The following ADK variants were observed in gnomAD, a reference collection of about 807,000 sequenced individuals.
ADK encodes the protein N6,N6-dimethyladenosine kinase.
ADK carries 24 observed loss-of-function variants against 44.7 expected under a neutral mutation model. The observed-to-expected ratio is 0.54, with a 90% CI of 0.39 to 0.76. The LOEUF (loss-of-function observed/expected upper bound fraction) is 0.76. Among genes scored for constraint, ADK ranks in the 30% least tolerant of loss-of-function variants. The probability of loss-of-function intolerance (pLI) is 0.00; values close to 1 mark genes in which losing one functional copy is unlikely to be tolerated. For synonymous variants in ADK, 128 were observed against 142.6 expected, an observed-to-expected ratio of 0.90 and a Z score of 0.73; for missense variants, 321 against 425.1, an observed-to-expected ratio of 0.76 and a Z score of 2.15.
chr10:74,547,703 G>A (rs192226792), intron 7 of ADK, among the ~76,000 whole-genome samples: 135 of 151,656 alleles, frequency 8.9e-4, no homozygotes, highest in African/African-American at 3.1e-3. Context: ...TGTTACCCAG[G>A]CTAAGAGTGC....
chr10:74,448,294 A>G (rs1845654584), intron 6 of ADK, among the ~76,000 whole-genome samples: 1 of 152,158 alleles, frequency 6.6e-6, no homozygotes, highest in Non-Finnish European at 1.5e-5. Flanking sequence ...CCTCCACTCC[A>G]TCTCTTAAAA....
chr10:74,228,132 G>T (rs4746186), intron 3 of ADK, among the ~76,000 whole-genome samples: 1 of 152,182 alleles, frequency 6.6e-6, no homozygotes, highest in Non-Finnish European at 1.5e-5. Context: ...TTGTGATTCA[G>T]ATTTCATATA....
intron 6 of ADK, among the ~76,000 whole-genome samples, chr10:74,399,877 A>G (rs914081145): frequency 2.6e-5 from 4 of 152,120 alleles, no homozygotes; most frequent in African/African-American, 7.2e-5. Context: ...ACAGTCTTCT[A>G]TGTTTCAATA....
chr10:74,589,180 A>T, intron 7 of ADK, 102 bp from the exon 8 acceptor site: 1 of 1,013,550 alleles, frequency 9.9e-7, no homozygotes, highest in Non-Finnish European at 1.5e-6. Flanking sequence ...GTATATTGAG[A>T]TAATTGTGTA....
chr10:74,177,166 T>A (rs1842373081), intron 1 of ADK, among the ~76,000 whole-genome samples: 1 of 152,028 alleles, frequency 6.6e-6, no homozygotes, highest in African/African-American at 2.4e-5. Context: ...TGTAGTGGAT[T>A]TCCCATGAAA....
chr10:74,489,085 T>C (rs888953648), intron 6 of ADK, among the ~76,000 whole-genome samples: 8 of 152,090 alleles, frequency 5.3e-5, no homozygotes, highest in African/African-American at 1.9e-4. Flanking sequence ...GGATCTTTGC[T>C]GAGGAAATAT....
chr10:74,592,028 A>C (rs565395982), intron 8 of ADK, among the ~76,000 whole-genome samples: 8 of 151,550 alleles, frequency 5.3e-5, no homozygotes, highest in Admixed American at 1.3e-4. Flanking sequence ...TGCAAATTTT[A>C]CTTTTGTAAA....
intron 6 of ADK, among the ~76,000 whole-genome samples, chr10:74,405,446 A>C (rs1843885205): frequency 6.6e-6 from 1 of 150,932 alleles, no homozygotes; most frequent in Non-Finnish European, 1.5e-5. Context: ...CTGGACTCTT[A>C]ATGAAACCTT....
chr10:74,676,508 A>G (rs1386472877), intron 10 of ADK, among the ~76,000 whole-genome samples: 2 of 151,082 alleles, frequency 1.3e-5, no homozygotes, highest in Non-Finnish European at 3.0e-5. Flanking sequence ...ATGGGGTCTC[A>G]CTCTGTCACC....
chr10:74,506,364 G>T (rs1359927106), intron 6 of ADK: 1 of 248,250 alleles, frequency 4.0e-6, no homozygotes, highest in Non-Finnish European at 8.0e-6. Context: ...TTTTTGTAAT[G>T]ATTTTTCTCT....
At chr10:74,443,581 T>G (rs544548295) in intron 6 of ADK, among the ~76,000 whole-genome samples, 12 of 152,176 alleles carry the variant, frequency 7.9e-5, no homozygotes, top group Non-Finnish European at 1.6e-4. Context: ...AGATACAGGA[T>G]TTCTTTGGGA....
intron 4 of ADK, among the ~76,000 whole-genome samples, chr10:74,358,212 ATATT>A (rs1339052549): frequency 1.3e-5 from 2 of 152,178 alleles, no homozygotes; most frequent in African/African-American, 4.8e-5. Flanking sequence ...ATATCCAAAA[ATATT>A]TATGTCAAGT....
At chr10:74,600,546 CAA>C in intron 9 of ADK, 53 bp downstream of exon 9, 2 of 1,158,022 alleles carry the variant, frequency 1.7e-6, no homozygotes. Context: ...TAATCAATTA[CAA>C]AAAAAAATTC....
At chr10:74,567,070 T>C (rs1241832727) in intron 7 of ADK, among the ~76,000 whole-genome samples, 1 of 152,190 alleles carries the variant, frequency 6.6e-6, no homozygotes, top group Non-Finnish European at 1.5e-5. Flanking sequence ...AAAGTCACAC[T>C]AGGGGTAAAG....
At chr10:74,422,264 A>G (rs1255129836) in intron 6 of ADK, among the ~76,000 whole-genome samples, 2 of 152,222 alleles carry the variant, frequency 1.3e-5, no homozygotes, top group Non-Finnish European at 2.9e-5. Flanking sequence ...GACAAATCCC[A>G]ACTGATGGAC....
chr10:74,690,502 A>AG (rs1336777648), intron 10 of ADK, among the ~76,000 whole-genome samples: 1 of 152,244 alleles, frequency 6.6e-6, no homozygotes, highest in Non-Finnish European at 1.5e-5. Flanking sequence ...TCTCAAAAAA[A>AG]GTCCATATCA....
chr10:74,327,538 G>T (rs1841063774), intron 4 of ADK, among the ~76,000 whole-genome samples: 1 of 152,102 alleles, frequency 6.6e-6, no homozygotes, highest in African/African-American at 2.4e-5. Flanking sequence ...TAAACCTAAT[G>T]TTTCTTTTTT....
At chr10:74,402,028 G>C (rs777045055) in intron 6 of ADK, among the ~76,000 whole-genome samples, 1 of 152,080 alleles carries the variant, frequency 6.6e-6, no homozygotes, top group Non-Finnish European at 1.5e-5. Context: ...TGAATTTCTG[G>C]GTTGAAAATT....
At chr10:74,366,793 G>T (rs1842512295) in intron 4 of ADK, among the ~76,000 whole-genome samples, 3 of 152,166 alleles carry the variant, frequency 2.0e-5, no homozygotes, top group Admixed American at 2.0e-4. Context: ...AGCCAAGCAT[G>T]GTGGTACACA....
Sources: allele counts gnomAD v4.1 joint callset (sites outside exome capture counted in the v4.1 genomes callset), GRCh38; gene constraint gnomAD v4.1.1; transcripts MANE v1.5; gene names NCBI Gene and HGNC (gene_info 2026-07-23, HGNC 2026-07-21).